Variants in VPS8 observed in about 807,000 individuals in gnomAD.
VPS8 encodes the protein VPS8 subunit of CORVET complex, also known as vacuolar protein sorting-associated protein 8 homolog.
Under a neutral mutation model 216.4 loss-of-function variants are expected in VPS8, and 129 were observed. That is an observed-to-expected ratio of 0.60 (90% confidence interval 0.52 to 0.69). The LOEUF is 0.69. VPS8 is among the 30% of genes least tolerant of loss of function. The pLI, the probability that VPS8 is intolerant of heterozygous loss-of-function variation, is 0.00. For synonymous variants in VPS8, 571 were observed against 565.4 expected (o/e 1.01, Z -0.14); for missense variants, 1,531 against 1,683.5 (o/e 0.91, Z 1.59).
chr3:184,934,725 T>G (rs1302132987), intron 34 of VPS8, among the ~76,000 whole-genome samples: 1 of 152,250 alleles, frequency 6.6e-6, no homozygotes, highest in African/African-American at 2.4e-5. Flanking sequence ...AAGTGCAGCT[T>G]GATCCTGATA....
intron 23 of VPS8, among the ~76,000 whole-genome samples, chr3:184,898,114 C>G (rs181109653): frequency 6.6e-6 from 1 of 151,422 alleles, no homozygotes; most frequent in East Asian, 1.9e-4. Context: ...TTCCCCAAGT[C>G]TTAACTCACA....
chr3:184,994,176 G>T (rs1164935844), intron 43 of VPS8, 113 bp downstream of exon 43: 5 of 695,378 alleles, frequency 7.2e-6, no homozygotes, highest in Admixed American at 7.4e-5. Context: ...TGGCAGTTAG[G>T]TAGACTGAGG....
intron 36 of VPS8, among the ~76,000 whole-genome samples, chr3:184,956,804 T>C (rs555990875): frequency 4.6e-5 from 7 of 152,328 alleles, no homozygotes; most frequent in African/African-American, 1.7e-4. Flanking sequence ...TTAGTATTAC[T>C]CCTTTATTTA....
intron 23 of VPS8, among the ~76,000 whole-genome samples, chr3:184,896,221 A>G (rs1201166215): frequency 2.0e-5 from 3 of 152,112 alleles, no homozygotes; most frequent in Non-Finnish European, 4.4e-5. Flanking sequence ...ATAGTCTTAC[A>G]ATAGGTCTGA....
At chr3:184,876,800 C>G (rs1196260124) in intron 21 of VPS8, among the ~76,000 whole-genome samples, 1 of 152,166 alleles carries the variant, frequency 6.6e-6, no homozygotes, top group Non-Finnish European at 1.5e-5. Flanking sequence ...CCCATCATTT[C>G]CCTCTTGGTA....
chr3:184,955,483 C>T (rs1745422597), intron 36 of VPS8, among the ~76,000 whole-genome samples: 1 of 152,044 alleles, frequency 6.6e-6, no homozygotes, highest in Non-Finnish European at 1.5e-5. Flanking sequence ...ATTCATCCTC[C>T]TTACCCTGCG....
At chr3:184,839,613 G>C (rs1007221376) in intron 6 of VPS8, 85 bp from the exon 7 acceptor site, 7 of 1,323,324 alleles carry the variant, frequency 5.3e-6, no homozygotes, top group Non-Finnish European at 7.3e-6. Context: ...GTGCCTAGAG[G>C]AAGGCAGGCC....
At chr3:184,881,601 A>G (rs556421910) in intron 21 of VPS8, among the ~76,000 whole-genome samples, 28 of 152,210 alleles carry the variant, frequency 1.8e-4, no homozygotes, top group South Asian at 6.2e-4. Flanking sequence ...CTCCTTTATG[A>G]AAATTGCTTC....
At chr3:185,034,656 GTTGCTTTTGTTTTTGTTT>G (rs1404352254) in intron 46 of VPS8, among the ~76,000 whole-genome samples, 3 of 151,746 alleles carry the variant, frequency 2.0e-5, no homozygotes, top group African/African-American at 4.8e-5. Context: ...TGTGTGTATT[GTTGCTTTTGTTTTTGTTT>G]TTGCTTTTGC....
chr3:184,911,138 T>C (rs368905596), intron 25 of VPS8, among the ~76,000 whole-genome samples: 37 of 152,268 alleles, frequency 2.4e-4, no homozygotes, highest in Admixed American at 1.3e-4. Flanking sequence ...AAAGAAGATA[T>C]TGGGAAGAGA....
At chr3:184,886,517 A>G (rs905600658) in intron 22 of VPS8, among the ~76,000 whole-genome samples, 1 of 144,942 alleles carries the variant, frequency 6.9e-6, no homozygotes, top group Non-Finnish European at 1.5e-5. Context: ...ATACACACAC[A>G]CATACACATA....
intron 14 of VPS8, among the ~76,000 whole-genome samples, chr3:184,858,717 G>A (rs1725740523): frequency 6.6e-6 from 1 of 152,144 alleles, no homozygotes; most frequent in Non-Finnish European, 1.5e-5. Context: ...CTCATAATAA[G>A]CAGATATTAT....
In VPS8 at chr3:184,900,988, G is replaced by A; in HGVS notation, c.2146+16G>A. 1 of 1,600,920 alleles carries A rather than the reference G, an allele frequency of 6.2e-7. No homozygotes were observed. Among genetic ancestry groups the A allele is most frequent in the South Asian group, 1.1e-5 (1 of 87,364 alleles). ...ACACTAACAGGTATTTATTTTCTAA[G>A]CCTTAATTTTTTGCTTTCCTGTATT... On this transcript the variant is annotated intron_variant, in intron 25 of 47. Transcript: ENST00000625842.
rs561234886 is a variant in VPS8, at chr3:185,005,356, G to A, written c.4002+5495G>A. Among the ~76,000 whole-genome samples the A allele has an allele frequency of 7.2e-5, 11 of 152,178 alleles. No individual in the cohort carries two copies. The South Asian group carries it at 2.1e-3, about 29-fold the overall frequency. ...TGCTTAGTATTGCTTTGGCTATGTG[G>A]GCTCTCTTTTGGTTCCATATGAATT... is the stretch of plus-strand genomic sequence containing the variant. On this transcript the variant is annotated intron_variant, in intron 45 of 47. Coordinates refer to ENST00000625842, the MANE Select transcript of VPS8 (RefSeq NM_001009921.3).
intron 45 of VPS8, among the ~76,000 whole-genome samples, chr3:185,015,261 C>T (rs1361718885): frequency 1.3e-5 from 2 of 152,122 alleles, no homozygotes; most frequent in Non-Finnish European, 2.9e-5. Flanking sequence ...GTTAATGGTC[C>T]TGGAAGAAAG....
At chr3:184,886,560 C>T (rs1731300308) in intron 22 of VPS8, among the ~76,000 whole-genome samples, 1 of 151,244 alleles carries the variant, frequency 6.6e-6, no homozygotes, top group African/African-American at 2.4e-5. Flanking sequence ...CACACACACA[C>T]ATTCTTCTTT....
chr3:184,902,081 ATCT>A (rs1337808064), intron 25 of VPS8, among the ~76,000 whole-genome samples: 2 of 142,398 alleles, frequency 1.4e-5, no homozygotes, highest in Non-Finnish European at 3.0e-5. Flanking sequence ...CCATTCACAT[ATCT>A]TCTTTTGTGA....
At chr3:184,983,137 C>T in intron 42 of VPS8, 43 bp downstream of exon 42, 2 of 1,449,480 alleles carry the variant, frequency 1.4e-6, no homozygotes, top group Non-Finnish European at 1.9e-6. Flanking sequence ...TTTCAACTAA[C>T]ATTTTAGTTA....
At chr3:184,884,299 AC>A (rs1204456431) in intron 21 of VPS8, among the ~76,000 whole-genome samples, 1 of 150,656 alleles carries the variant, frequency 6.6e-6, no homozygotes, top group Non-Finnish European at 1.5e-5. Flanking sequence ...TTCAGTTCCC[AC>A]CTATGAGTGA....
Sources: allele counts gnomAD v4.1 joint callset (sites outside exome capture counted in the v4.1 genomes callset), GRCh38; gene constraint gnomAD v4.1.1; transcripts MANE v1.5; gene names NCBI Gene and HGNC (gene_info 2026-07-23, HGNC 2026-07-21).